The following SHISA9 variants were observed in gnomAD, a reference collection of about 807,000 sequenced individuals.
The protein encoded by SHISA9 is shisa family member 9.
In SHISA9, 13 loss-of-function variants were observed where a neutral mutation model predicts 38.0. That is an observed-to-expected ratio of 0.34 (90% CI 0.22 to 0.54). The LOEUF (loss-of-function observed/expected upper bound fraction) is 0.54, where lower values mean the gene tolerates loss of function less well. SHISA9 is among the 20% of genes least tolerant of loss of function. The pLI is 0.91. For missense variants in SHISA9, 538 were observed against 575.8 expected, an observed-to-expected ratio of 0.93 and a Z score of 0.67; for synonymous variants, 275 against 242.0, an observed-to-expected ratio of 1.14 and a Z score of -1.27.
chr16:13,008,281 C>A (rs1197723084), intron 2 of SHISA9, among the ~76,000 whole-genome samples: 2 of 152,122 alleles, frequency 1.3e-5, no homozygotes, highest in East Asian at 3.9e-4. Flanking sequence ...GTAACATGTT[C>A]ATTAATACAC....
At chr16:13,145,109 C>T (rs1021273182) in intron 2 of SHISA9, among the ~76,000 whole-genome samples, 43 of 152,182 alleles carry the variant, frequency 2.8e-4, no homozygotes, top group African/African-American at 1.0e-3. Flanking sequence ...CTTGCAGACC[C>T]TATCGCAGGG....
At chr16:13,098,798 T>C (rs1334229830) in intron 2 of SHISA9, among the ~76,000 whole-genome samples, 1 of 152,226 alleles carries the variant, frequency 6.6e-6, no homozygotes, top group Non-Finnish European at 1.5e-5. Flanking sequence ...GGTTCTGGAC[T>C]CAGAGAGGCT....
intron 2 of SHISA9, among the ~76,000 whole-genome samples, chr16:13,195,639 C>G (rs2050930696): frequency 6.6e-6 from 1 of 152,120 alleles, no homozygotes; most frequent in African/African-American, 2.4e-5. Context: ...AGAAATCTGT[C>G]CAACACTTCC....
chr16:13,162,773 A>C lies in SHISA9; in HGVS notation c.692-40621A>C, dbSNP rs140302681. ...AAAGTAGATGTCAGAACATTTGAAA[A>C]AGATTCTAATTGCTAGTGTTCTGGA... On this transcript the variant is annotated intron_variant, in intron 2 of 4. Transcript: ENST00000558583. Among the ~76,000 whole-genome samples the C allele has an allele frequency of 4.7e-3, 716 of 152,298 alleles. 9 individuals carry two copies. Among genetic ancestry groups the C allele is most frequent in the African/African-American group, 0.015 (640 of 41,558 alleles).
Position 12,945,587 on chromosome 16 carries a change from G to C in SHISA9, c.691+28772G>C, listed in dbSNP as rs143724964. ...GTAGAAATAATTGTTACAAGAACAA[G>C]TTCTGGGTTCAAATTCAGACTCCAC... On this transcript the variant is annotated intron_variant, in intron 2 of 4. Coordinates refer to ENST00000558583, the MANE Select transcript of SHISA9 (RefSeq NM_001145204.3). Among the ~76,000 whole-genome samples the C allele has an allele frequency of 9.9e-3, 1,513 of 152,302 alleles. 6 individuals carry two copies. The highest frequency in any genetic ancestry group is 0.028 in the East Asian group (147 of 5,178).
At chr16:13,224,525 C>G (rs145892633) in intron 4 of SHISA9, among the ~76,000 whole-genome samples, 71 of 152,274 alleles carry the variant, frequency 4.7e-4, no homozygotes, top group African/African-American at 1.5e-3. Flanking sequence ...ATCATCAGTG[C>G]TTTCCTTCTT....
At chr16:13,006,566 T>C (rs1448717890) in intron 2 of SHISA9, among the ~76,000 whole-genome samples, 1 of 152,240 alleles carries the variant, frequency 6.6e-6, no homozygotes, top group Non-Finnish European at 1.5e-5. Flanking sequence ...TCTTGTTCAT[T>C]ATTGTATTGC....
At chr16:13,173,742 G>A (rs911801869) in intron 2 of SHISA9, among the ~76,000 whole-genome samples, 10 of 152,178 alleles carry the variant, frequency 6.6e-5, no homozygotes, top group South Asian at 6.2e-4. Context: ...TTTGGAAACC[G>A]AGGTCTAATG....
intron 2 of SHISA9, among the ~76,000 whole-genome samples, chr16:13,148,558 C>T (rs1175033034): frequency 6.6e-6 from 1 of 152,116 alleles, no homozygotes; most frequent in Non-Finnish European, 1.5e-5. Flanking sequence ...CACATTCACT[C>T]TATATCTATT....
At chr16:13,137,467 T>TA (rs563870454) in intron 2 of SHISA9, among the ~76,000 whole-genome samples, 72 of 152,122 alleles carry the variant, frequency 4.7e-4, no homozygotes, top group African/African-American at 1.7e-3. Flanking sequence ...TTTTATTTTT[T>TA]TTTTTTTGAG....
At chr16:13,001,030 C>T (rs1315919548) in intron 2 of SHISA9, among the ~76,000 whole-genome samples, 2 of 152,098 alleles carry the variant, frequency 1.3e-5, no homozygotes, top group African/African-American at 2.4e-5. Context: ...CAGGTTCAAG[C>T]GATTCTCCTG....
chr16:12,968,634 G>A (rs1567355922), intron 2 of SHISA9, among the ~76,000 whole-genome samples: 1 of 152,198 alleles, frequency 6.6e-6, no homozygotes, highest in Non-Finnish European at 1.5e-5. Flanking sequence ...ATGCTGTTGA[G>A]TGAGAGAAGC....
intron 3 of SHISA9, among the ~76,000 whole-genome samples, chr16:13,212,301 G>A (rs1002288339): frequency 1.3e-5 from 2 of 152,182 alleles, no homozygotes; most frequent in African/African-American, 2.4e-5. Context: ...GAGAGGTCTC[G>A]TGGGTAGGGT....
chr16:13,052,959 C>CTTTTTTT (rs925020167), intron 2 of SHISA9, among the ~76,000 whole-genome samples: 56 of 106,058 alleles, frequency 5.3e-4, no homozygotes, highest in East Asian at 1.4e-3. Flanking sequence ...TCCTTCCTTT[C>CTTTTTTT]TTTTTTTTTT....
rs555827855 is a variant in SHISA9, at chr16:13,101,270, G to A, written c.692-102124G>A. ...TGGTAGGTGTTAAGTGTTCTCACACGAAGAAACAAAAGGAAATGGTAACTA... is the reference window on the plus strand; with the variant it reads ...TGGTAGGTGTTAAGTGTTCTCACACAAAGAAACAAAAGGAAATGGTAACTA... On this transcript the variant is annotated intron_variant, in intron 2 of 4. Coordinates refer to ENST00000558583, the MANE Select transcript of SHISA9 (RefSeq NM_001145204.3). Among the ~76,000 whole-genome samples the A allele has an allele frequency of 4.1e-4, 62 of 152,306 alleles. 1 individual carries two copies. The East Asian group carries it at 0.011, about 28-fold the overall frequency.
chr16:13,469,432 A>AAAAAGG, the SHISA9 span, among the ~76,000 whole-genome samples: 13 of 131,152 alleles, frequency 9.9e-5, no homozygotes, highest in African/African-American at 3.7e-4. Flanking sequence ...AAAAAGAAAG[A>AAAAAGG]AAGAGAAAGA....
the SHISA9 span, among the ~76,000 whole-genome samples, chr16:13,382,530 CAAA>C: frequency 8.2e-5 from 4 of 48,994 alleles, no homozygotes; most frequent in Non-Finnish European, 1.3e-4. Flanking sequence ...AACTCCATCT[CAAA>C]AAAAAAAAAA....
At chr16:13,149,687 G>T (rs920049181) in intron 2 of SHISA9, among the ~76,000 whole-genome samples, 7 of 152,142 alleles carry the variant, frequency 4.6e-5, no homozygotes, top group African/African-American at 1.4e-4. Context: ...CATTTTGGGA[G>T]GCTAAGGCAG....
chr16:13,445,470 C>T, the SHISA9 span, among the ~76,000 whole-genome samples: 23 of 152,050 alleles, frequency 1.5e-4, no homozygotes, highest in African/African-American at 3.4e-4. Context: ...GCAGAAAGAA[C>T]GAAGGAAGAC....
Sources: gnomAD v4.1 joint callset for allele counts (sites outside exome capture counted in the v4.1 genomes callset) on GRCh38, gnomAD v4.1.1 for gene constraint, MANE v1.5 for transcripts, NCBI Gene and HGNC (gene_info 2026-07-23, HGNC 2026-07-21) for gene names.